The following PCDHAC1 variants were observed in gnomAD, a reference collection of about 807,000 sequenced individuals.
PCDHAC1 encodes the protein protocadherin alpha-C1.
A neutral mutation model predicts 60.0 loss-of-function variants in PCDHAC1; 42 were observed. That is an observed-to-expected ratio of 0.70 (90% confidence interval 0.55 to 0.90). PCDHAC1 has a LOEUF of 0.90. Among genes scored for constraint, PCDHAC1 ranks in the 40% least tolerant of loss-of-function variants. The pLI, the probability that PCDHAC1 is intolerant of heterozygous loss-of-function variation, is 0.00. For missense variants in PCDHAC1, 1,160 were observed against 1,222.3 expected (o/e 0.95, Z 0.76); for synonymous variants, 468 against 499.3 (o/e 0.94, Z 0.84).
intron 1 of PCDHAC1, among the ~76,000 whole-genome samples, chr5:140,948,646 G>A (rs1030231985): frequency 3.3e-5 from 5 of 151,616 alleles, no homozygotes; most frequent in South Asian, 2.1e-4. Context: ...ATCTTTTAAC[G>A]TCTGTATAAT....
At chr5:140,963,198 A>G (rs2095745338) in intron 1 of PCDHAC1, among the ~76,000 whole-genome samples, 1 of 151,784 alleles carries the variant, frequency 6.6e-6, no homozygotes, top group South Asian at 2.1e-4. Context: ...GTGAAAATGA[A>G]AAAAAAAACC....
intron 1 of PCDHAC1, among the ~76,000 whole-genome samples, chr5:140,944,351 C>A (rs530648518): frequency 6.6e-6 from 1 of 152,198 alleles, no homozygotes; most frequent in South Asian, 2.1e-4. Context: ...CCACACCTGG[C>A]TAATTTTTAA....
chr5:140,929,613 C>A, intron 1 of PCDHAC1: 6 of 406,162 alleles, frequency 1.5e-5, no homozygotes, highest in Non-Finnish European at 2.7e-5. Flanking sequence ...AATAAAATAC[C>A]AAAATATTTT....
At chr5:140,942,546 TA>T (rs1380022033) in intron 1 of PCDHAC1, among the ~76,000 whole-genome samples, 4 of 150,044 alleles carry the variant, frequency 2.7e-5, no homozygotes, top group African/African-American at 9.8e-5. Flanking sequence ...TGGTGGGGGG[TA>T]GGGGGTTGAG....
At position 140,927,546 on chromosome 5, in the gene PCDHAC1, A is replaced by G. The variant is rs1554204713; in HGVS notation, c.654A>G (p.Gln218=). The G allele has an allele frequency of 6.2e-7, 1 of 1,614,146 alleles. No individual in the cohort carries two copies. The highest frequency in any genetic ancestry group is 8.5e-7 in the Non-Finnish European group (1 of 1,180,034). The change falls in exon 1 of 4, where the codon CAA becomes CAG. Residue 218 remains glutamine (Q), a synonymous_variant. Transcript: ENST00000253807. ...GGLPARSGDA[Q]VTIIVVDTND... is the part of the protein sequence containing the mutation. ...TACCTGCCCGCTCAGGAGACGCACA[A>G]GTCACCATCATTGTGGTGGACACAA...
intron 1 of PCDHAC1, among the ~76,000 whole-genome samples, chr5:140,945,046 A>G (rs2093731107): frequency 2.0e-5 from 3 of 152,190 alleles, no homozygotes; most frequent in Non-Finnish European, 2.9e-5. Flanking sequence ...TTGGTCTTAT[A>G]TAAAGAAAAC....
At chr5:140,975,053 A>C (rs2096651589) in intron 1 of PCDHAC1, among the ~76,000 whole-genome samples, 1 of 152,144 alleles carries the variant, frequency 6.6e-6, no homozygotes, top group Admixed American at 6.5e-5. Flanking sequence ...GGAAGAATCT[A>C]CTATCGAGCT....
chr5:140,968,293 G>A, intron 1 of PCDHAC1: 1 of 1,613,962 alleles, frequency 6.2e-7, no homozygotes, highest in South Asian at 1.1e-5. Flanking sequence ...ACTCCCTTCT[G>A]GAGAGGGAGA....
chr5:140,943,491 G>A (rs1387185924), intron 1 of PCDHAC1, among the ~76,000 whole-genome samples: 4 of 151,986 alleles, frequency 2.6e-5, no homozygotes, highest in Non-Finnish European at 5.9e-5. Context: ...ATAAATAGAT[G>A]CTATCAAGGT....
At chr5:140,992,152 A>G (rs1440263664) in intron 3 of PCDHAC1, among the ~76,000 whole-genome samples, 2 of 152,004 alleles carry the variant, frequency 1.3e-5, no homozygotes, top group Non-Finnish European at 2.9e-5. Context: ...ACTTTGCTCA[A>G]TCAAGAAGTG....
rs371069140 is a variant in PCDHAC1, at chr5:141,011,291, A to G, written c.*1354A>G. ...CTCTTTGGTTTAGTTTTCCTTTTCT[A>G]TAACACTCTGAATTGCTAATCTTAC... is the stretch of plus-strand genomic sequence containing the variant. On this transcript the variant is annotated 3_prime_UTR_variant, in exon 4 of 4. Coordinates refer to ENST00000253807, the MANE Select transcript of PCDHAC1 (RefSeq NM_018898.5). 6 of 153,852 alleles carry G rather than the reference A, an allele frequency of 3.9e-5. No homozygotes were observed. The highest frequency in any genetic ancestry group is 8.8e-5 in the Non-Finnish European group (6 of 68,024). 9.5% of individuals were successfully genotyped at this position (153,852 alleles called of 1,614,324 possible).
chr5:140,940,073 A>G (rs1197351000), intron 1 of PCDHAC1, among the ~76,000 whole-genome samples: 1 of 152,182 alleles, frequency 6.6e-6, no homozygotes, highest in Non-Finnish European at 1.5e-5. Context: ...AATATGTGAT[A>G]TCTTTCTGCT....
chr5:141,004,871 C>T (rs2098186149), intron 3 of PCDHAC1, among the ~76,000 whole-genome samples: 2 of 152,126 alleles, frequency 1.3e-5, no homozygotes, highest in South Asian at 4.1e-4. Context: ...TGTTTCTCAT[C>T]CCTAAAGTGC....
intron 3 of PCDHAC1, 57 bp downstream of exon 3, chr5:140,982,620 C>T: frequency 2.5e-6 from 4 of 1,588,470 alleles, no homozygotes. Flanking sequence ...ATCAGATGAC[C>T]TACTTTTGTA....
rs1554206433 is a variant in PCDHAC1, at chr5:140,928,863, C to T, written c.1971C>T (p.Ser657=). Residue 657 remains serine (S), a synonymous_variant, in exon 1 of 4, where the codon AGC becomes AGT. Coordinates refer to ENST00000253807, the MANE Select transcript of PCDHAC1 (RefSeq NM_018898.5). ...SSSVTLGVLL[S]NSVPQLLPDF... ...CTGTCACTCTGGGTGTGCTGTTGAGCAACTCTGTCCCTCAGTTACTTCCAG... is the reference window on the plus strand; with the variant it reads ...CTGTCACTCTGGGTGTGCTGTTGAGTAACTCTGTCCCTCAGTTACTTCCAG... 5.0e-6 allele frequency: 8 copies of T among 1,614,172 alleles called. No individual in the cohort carries two copies. Among genetic ancestry groups the T allele is most frequent in the Middle Eastern group, 1.7e-4 (1 of 6,060 alleles).
At chr5:140,963,705 C>T (rs1351751729) in intron 1 of PCDHAC1, among the ~76,000 whole-genome samples, 1 of 152,130 alleles carries the variant, frequency 6.6e-6, no homozygotes, top group Non-Finnish European at 1.5e-5. Flanking sequence ...ATCTAAAGGG[C>T]CATGCTACAT....
chr5:140,929,410 CACA>C (rs2153600762), intron 1 of PCDHAC1, 85 bp downstream of exon 1: 2 of 1,505,808 alleles, frequency 1.3e-6, no homozygotes, highest in East Asian at 2.3e-5. Context: ...ACAAGCCTTT[CACA>C]ACATTTCATC....
intron 1 of PCDHAC1, among the ~76,000 whole-genome samples, chr5:140,940,745 T>C (rs1554213585): frequency 6.6e-6 from 1 of 152,260 alleles, no homozygotes; most frequent in Non-Finnish European, 1.5e-5. Flanking sequence ...CATATTTTTA[T>C]GTGTGCCAAC....
At chr5:140,997,884 C>G (rs2097789340) in intron 3 of PCDHAC1, among the ~76,000 whole-genome samples, 1 of 152,076 alleles carries the variant, frequency 6.6e-6, no homozygotes, top group African/African-American at 2.4e-5. Context: ...AGTATTTATA[C>G]AGGATAAATT....
Sources: allele counts gnomAD v4.1 joint callset (sites outside exome capture counted in the v4.1 genomes callset), GRCh38; gene constraint gnomAD v4.1.1; transcripts MANE v1.5; gene names NCBI Gene and HGNC (gene_info 2026-07-23, HGNC 2026-07-21).